The following PLS3 variants were observed in gnomAD, a reference collection of about 807,000 sequenced individuals.
The protein encoded by PLS3 is plastin 3, also known as plastin-3.
A neutral mutation model predicts 46.5 loss-of-function variants in PLS3; 11 were observed. The ratio of observed to expected loss-of-function variants is 0.24; its 90% CI spans 0.15 to 0.39. PLS3 has a LOEUF of 0.39. Among genes scored for constraint, PLS3 ranks in the 10% least tolerant of loss-of-function variants. PLS3 has a pLI of 1.00. For missense variants in PLS3, 308 were observed against 461.8 expected, an observed-to-expected ratio of 0.67 and a Z score of 3.05; for synonymous variants, 167 against 162.2, an observed-to-expected ratio of 1.03 and a Z score of -0.22.
chrX:115,581,067 C>G (rs998574319), intron 1 of PLS3, among the ~76,000 whole-genome samples: 1 of 110,940 alleles, frequency 9.0e-6, no homozygotes, highest in Admixed American at 9.7e-5. Flanking sequence ...ACATGAATGA[C>G]CTTTTTTAAT....
At position 115,570,909 on chromosome X, in the gene PLS3, T is replaced by G. The variant is rs1363101354; in HGVS notation, c.-9+9649T>G. On this transcript the variant is annotated intron_variant, in intron 1 of 15. Coordinates refer to ENST00000355899, the MANE Select transcript of PLS3 (RefSeq NM_005032.7). The stretch of plus-strand genomic sequence containing the variant: ...TTAATTTATTCTTTTTTTTTTTTTT[T>G]TTTTGAAACGGAGTCTCACTGTGTC... Among the ~76,000 whole-genome samples, 3 of 102,798 alleles carry G rather than the reference T, an allele frequency of 2.9e-5. No homozygotes were observed. In the Admixed American group the frequency reaches 3.1e-4, roughly 11 times the overall value. The allele number at this position is 102,798 out of a possible 115,157, so 89.3% of individuals were successfully genotyped here. A position where few individuals can be genotyped will look rare whatever the true frequency, so the allele number is the denominator to read the frequency against.
In PLS3 at chrX:115,649,642, C is replaced by T; in HGVS notation, c.*81C>T. ...CTATTTCCAGGTGAAGTGCTTATGG[C>T]TTAAGGAACTCTTGGCCATTCAAAG... On this transcript the variant is annotated 3_prime_UTR_variant, in exon 16 of 16. Transcript: ENST00000355899. The T allele has an allele frequency of 8.8e-6, 8 of 908,105 alleles. No individual in the cohort carries two copies. Among genetic ancestry groups the T allele is most frequent in the Non-Finnish European group, 1.2e-5 (8 of 654,664 alleles). The allele number at this position is 908,105 out of a possible 1,213,427, so 74.8% of individuals were successfully genotyped here.
At chrX:115,617,094 T>C (rs2074605093) in intron 2 of PLS3, among the ~76,000 whole-genome samples, 1 of 112,054 alleles carries the variant, frequency 8.9e-6, no homozygotes, top group Admixed American at 9.5e-5. Flanking sequence ...GTTTGATTCA[T>C]TTCTGTATCT....
chrX:115,647,979 T>C lies in PLS3; in HGVS notation c.1722T>C (p.Ser574=), dbSNP rs1398542650. ...GTATAAACTATGACCTTGTGAAGAGTGGCAATCTAACAGAAGATGACAAGC... is the reference window on the plus strand; with the variant it reads ...GTATAAACTATGACCTTGTGAAGAGCGGCAATCTAACAGAAGATGACAAGC... ...PGCINYDLVK[S]GNLTEDDKHN... Residue 574 remains serine, a synonymous_variant, in exon 15 of 16, where the codon AGT becomes AGC. Transcript: ENST00000355899. 1.7e-6 allele frequency: 2 copies of C among 1,208,052 alleles called. No individual in the cohort carries two copies. The highest frequency in any genetic ancestry group is 3.5e-5 in the African/African-American group (2 of 57,630).
intron 1 of PLS3, among the ~76,000 whole-genome samples, chrX:115,579,813 G>C (rs918079511): frequency 6.3e-5 from 7 of 111,258 alleles, no homozygotes; most frequent in Non-Finnish European, 1.1e-4. Context: ...GCTCGCTGCA[G>C]CGTCAACATC....
intron 1 of PLS3, among the ~76,000 whole-genome samples, chrX:115,596,478 G>A (rs2074390190): frequency 9.0e-6 from 1 of 111,622 alleles, no homozygotes; most frequent in Non-Finnish European, 1.9e-5. Context: ...GCTGAAAAGG[G>A]CTATAGGAAT....
At chrX:115,629,140 G>T (rs1160936487) in intron 3 of PLS3, 58 bp from the exon 4 acceptor site, 2 of 793,510 alleles carry the variant, frequency 2.5e-6, no homozygotes, top group African/African-American at 2.1e-5. Context: ...ATATAAATAT[G>T]CTTATTGTGC....
At chrX:115,562,397 C>T (rs2074144435) in intron 1 of PLS3, 1 of 111,790 alleles carries the variant, frequency 8.9e-6, no homozygotes, top group Non-Finnish European at 1.9e-5. Flanking sequence ...TGCTCCTTGC[C>T]TCTCACCTGA....
At chrX:115,632,862 G>A (rs1300800410) in intron 5 of PLS3, among the ~76,000 whole-genome samples, 2 of 109,441 alleles carry the variant, frequency 1.8e-5, no homozygotes, top group Non-Finnish European at 3.8e-5. Context: ...CTCCAAAGTA[G>A]CTAGGACTAC....
At chrX:115,583,708 G>A (rs2074291746) in intron 1 of PLS3, among the ~76,000 whole-genome samples, 2 of 112,259 alleles carry the variant, frequency 1.8e-5, no homozygotes. Context: ...AAAAACTGAC[G>A]AGGTTAATCT....
At chrX:115,574,870 C>T (rs782760992) in intron 1 of PLS3, among the ~76,000 whole-genome samples, 6 of 112,352 alleles carry the variant, frequency 5.3e-5, no homozygotes, top group African/African-American at 9.7e-5. Flanking sequence ...TGAGCCACCG[C>T]GCCCGGCCCC....
At chrX:115,582,594 A>G (rs1434432043) in intron 1 of PLS3, among the ~76,000 whole-genome samples, 1 of 112,284 alleles carries the variant, frequency 8.9e-6, no homozygotes, top group Non-Finnish European at 1.9e-5. Context: ...TTATGAGACC[A>G]TGGTATTTTG....
intron 2 of PLS3, 51 bp from the exon 3 acceptor site, chrX:115,622,195 T>C (rs1250361452): frequency 4.9e-6 from 5 of 1,019,880 alleles, no homozygotes; most frequent in Non-Finnish European, 6.8e-6. Context: ...TACTCTAACT[T>C]CTGTCTTTCA....
chrX:115,618,403 C>A (rs2074617082), intron 2 of PLS3, among the ~76,000 whole-genome samples: 1 of 109,711 alleles, frequency 9.1e-6, no homozygotes, highest in Admixed American at 9.8e-5. Context: ...TATAGTGAGA[C>A]CCTGTCTCTA....
intron 1 of PLS3, among the ~76,000 whole-genome samples, chrX:115,596,820 G>A (rs1379084853): frequency 9.1e-6 from 1 of 110,016 alleles, no homozygotes; most frequent in African/African-American, 3.3e-5. Flanking sequence ...CTGGGTGACA[G>A]AGCAAGACTC....
rs372994686 is a variant in PLS3 at position 115,621,170 on chromosome X, C to T, written c.74-1076C>T. ...CTGAGATTACGGGTGCCCGCCACCA[C>T]GCCCAGCTAATTTTTTGTATTTTTA... On this transcript the variant is annotated intron_variant, in intron 2 of 15. Coordinates refer to ENST00000355899, the MANE Select transcript of PLS3 (RefSeq NM_005032.7). 5.5e-3 allele frequency among the ~76,000 whole-genome samples: 604 copies of T among 109,126 alleles called. 5 individuals carry two copies. Among genetic ancestry groups the T allele is most frequent in the African/African-American group, 0.019 (574 of 30,001 alleles). The allele number at this position is 109,126 out of a possible 115,157, so 94.8% of individuals were successfully genotyped here.
chrX:115,585,909 A>G (rs2074304901), intron 1 of PLS3, among the ~76,000 whole-genome samples: 1 of 111,426 alleles, frequency 9.0e-6, no homozygotes, highest in African/African-American at 3.3e-5. Context: ...TGCATTTCAT[A>G]TGGAGTTTTA....
At chrX:115,625,641 G>C (rs899883607) in intron 3 of PLS3, among the ~76,000 whole-genome samples, 1 of 110,018 alleles carries the variant, frequency 9.1e-6, no homozygotes. Context: ...CTAAGTTTAG[G>C]CCTACAAGAC....
chrX:115,610,922 G>A (rs1556636022), intron 2 of PLS3: 1 of 931,249 alleles, frequency 1.1e-6, no homozygotes, highest in South Asian at 2.1e-5. Flanking sequence ...GCTATGGAAG[G>A]TAAATATGGA....
Sources: allele counts gnomAD v4.1 joint callset (sites outside exome capture counted in the v4.1 genomes callset), GRCh38; gene constraint gnomAD v4.1.1; transcripts MANE v1.5; gene names NCBI Gene and HGNC (gene_info 2026-07-23, HGNC 2026-07-21).